The following FHL5 variants were observed in gnomAD, a reference collection of about 807,000 sequenced individuals.
FHL5 encodes the protein four and a half LIM domains 5, also known as four and a half LIM domains protein 5.
FHL5 carries 33 observed loss-of-function variants against 32.0 expected under a neutral mutation model. The ratio of observed to expected loss-of-function variants is 1.03; its 90% CI spans 0.78 to 1.38. The LOEUF is 1.38. FHL5 is among the 40% of genes most tolerant of loss of function. The pLI is 0.00. For synonymous variants in FHL5, 114 were observed against 113.6 expected (o/e 1.00, Z -0.02); for missense variants, 336 against 343.9 (o/e 0.98, Z 0.18).
At chr6:96,589,350 T>A (rs1394130119) in intron 1 of FHL5, among the ~76,000 whole-genome samples, 4 of 152,162 alleles carry the variant, frequency 2.6e-5, no homozygotes, top group African/African-American at 9.6e-5. Flanking sequence ...TGTATTTTTT[T>A]AACATTGTAT....
intron 1 of FHL5, among the ~76,000 whole-genome samples, chr6:96,566,466 A>C (rs1205295159): frequency 6.6e-6 from 1 of 152,032 alleles, no homozygotes; most frequent in African/African-American, 2.4e-5. Context: ...TAAACATGGG[A>C]ATACAGATAT....
chr6:96,592,189 C>A (rs9386653), intron 1 of FHL5, among the ~76,000 whole-genome samples: 21,909 of 151,990 alleles, frequency 0.14, 1,584 homozygotes, highest in East Asian at 0.25. Flanking sequence ...CTATGGGAGA[C>A]TGGGGCTTAT....
At chr6:96,601,885 A>T (rs1771155855) in intron 1 of FHL5, among the ~76,000 whole-genome samples, 3 of 152,168 alleles carry the variant, frequency 2.0e-5, no homozygotes, top group Admixed American at 1.3e-4. Context: ...GTGTGTTTGT[A>T]TTCACTAGGA....
chr6:96,571,088 T>A (rs1770466766), intron 1 of FHL5, among the ~76,000 whole-genome samples: 1 of 152,198 alleles, frequency 6.6e-6, no homozygotes, highest in Non-Finnish European at 1.5e-5. Flanking sequence ...GTCCCTGCAT[T>A]GATGTCTGTG....
chr6:96,581,327 C>A (rs1001774747), intron 1 of FHL5, among the ~76,000 whole-genome samples: 2 of 152,082 alleles, frequency 1.3e-5, no homozygotes, highest in Non-Finnish European at 2.9e-5. Context: ...TCATAGTAAC[C>A]AATTTACAAT....
intron 1 of FHL5, among the ~76,000 whole-genome samples, chr6:96,578,880 T>C (rs1035324617): frequency 6.6e-6 from 1 of 151,988 alleles, no homozygotes; most frequent in Non-Finnish European, 1.5e-5. Flanking sequence ...TAAAAATTGA[T>C]TTGGATTAGT....
intron 1 of FHL5, among the ~76,000 whole-genome samples, chr6:96,596,445 A>G (rs1281852331): frequency 6.6e-6 from 1 of 152,092 alleles, no homozygotes; most frequent in Non-Finnish European, 1.5e-5. Flanking sequence ...ATTCTTTTGA[A>G]GACATCATTT....
At chr6:96,578,858 A>G (rs563009338) in intron 1 of FHL5, among the ~76,000 whole-genome samples, 6 of 152,284 alleles carry the variant, frequency 3.9e-5, no homozygotes, top group Admixed American at 3.3e-4. Flanking sequence ...AAATAAATAA[A>G]TAAAAATAAA....
chr6:96,596,019 A>AT (rs906197003), intron 1 of FHL5, among the ~76,000 whole-genome samples: 12 of 150,280 alleles, frequency 8.0e-5, no homozygotes, highest in East Asian at 3.9e-4. Flanking sequence ...TATATGTATG[A>AT]TTTTTTTTAG....
intron 4 of FHL5, among the ~76,000 whole-genome samples, chr6:96,606,468 C>T (rs1171611549): frequency 1.3e-5 from 2 of 152,148 alleles, no homozygotes; most frequent in Non-Finnish European, 2.9e-5. Flanking sequence ...TCTCATGTCT[C>T]AGCCTTCCAA....
chr6:96,584,457 GTGTT>G (rs1463212129), intron 1 of FHL5, among the ~76,000 whole-genome samples: 1,813 of 144,858 alleles, frequency 0.013, 7 homozygotes, highest in African/African-American at 0.026. Context: ...GTGTGTGTGT[GTGTT>G]TGTGTGTGTG....
At chr6:96,604,243 T>C (rs1173809903) in intron 2 of FHL5, among the ~76,000 whole-genome samples, 4 of 145,724 alleles carry the variant, frequency 2.7e-5, no homozygotes. Context: ...GACATGCTTA[T>C]TCTTTCTTTC....
intron 1 of FHL5, among the ~76,000 whole-genome samples, chr6:96,597,073 C>T (rs1328722171): frequency 6.6e-6 from 1 of 152,038 alleles, no homozygotes; most frequent in Admixed American, 6.6e-5. Flanking sequence ...TCCTCATTTC[C>T]ACTTCATACT....
chr6:96,603,707 T>A lies in FHL5; in HGVS notation c.94T>A (p.Cys32Ser), dbSNP rs1265254102. The A allele has an allele frequency of 1.2e-6, 2 of 1,612,518 alleles. No individual in the cohort carries two copies. The highest frequency in any genetic ancestry group is 2.7e-5 in the African/African-American group (2 of 74,886). Residue 32 changes from cysteine (C) to serine (S), a missense_variant, in exon 2 of 6, where the codon TGT (cysteine) becomes AGT (serine). Coordinates refer to ENST00000450218, the MANE Select transcript of FHL5 (RefSeq NM_001322466.2). ...GGATGACAGTCCATACTGTGTTACATGTTATGATCGTGTATTTTCTAACTA... is the reference window on the plus strand; with the variant it reads ...GGATGACAGTCCATACTGTGTTACAAGTTATGATCGTGTATTTTCTAACTA... ...LKDDSPYCVT[C>S]YDRVFSNYCE...
chr6:96,581,665 G>T (rs554984804), intron 1 of FHL5, among the ~76,000 whole-genome samples: 1 of 152,156 alleles, frequency 6.6e-6, no homozygotes, highest in Non-Finnish European at 1.5e-5. Context: ...TGGTAGAAAC[G>T]GTGTTAAGTA....
At chr6:96,587,459 T>C (rs890834797) in intron 1 of FHL5, among the ~76,000 whole-genome samples, 15 of 152,322 alleles carry the variant, frequency 9.8e-5, no homozygotes, top group East Asian at 5.8e-4. Context: ...ATGGCTGATA[T>C]CATCACTTAC....
intron 2 of FHL5, 96 bp downstream of exon 2, chr6:96,603,868 T>A: frequency 2.2e-6 from 2 of 928,754 alleles, no homozygotes; most frequent in Non-Finnish European, 3.3e-6. Context: ...TTCAACACTA[T>A]TTCTCTGCTA....
rs1478575751 is a variant in FHL5 at position 96,617,766 on chromosome 6, C to T, written c.*1994C>T. On this transcript the variant is annotated 3_prime_UTR_variant, in exon 6 of 6. Coordinates refer to ENST00000450218, the MANE Select transcript of FHL5 (RefSeq NM_001322466.2). ...AGTTAAACAATTGGAAATGTTTAGG[C>T]ATTTTACTGTGTGGGGGCAGTGAGT... Among the ~76,000 whole-genome samples, 1 of 152,150 alleles carries T rather than the reference C, an allele frequency of 6.6e-6. No homozygotes were observed. Among genetic ancestry groups the T allele is most frequent in the Non-Finnish European group, 1.5e-5 (1 of 68,020 alleles).
At chr6:96,598,414 T>G (rs1365424836) in intron 1 of FHL5, among the ~76,000 whole-genome samples, 1 of 152,212 alleles carries the variant, frequency 6.6e-6, no homozygotes, top group Non-Finnish European at 1.5e-5. Context: ...TCCCTCCAAC[T>G]TGAAGAAGGA....
Sources: gnomAD v4.1 joint callset for allele counts (sites outside exome capture counted in the v4.1 genomes callset) on GRCh38, gnomAD v4.1.1 for gene constraint, MANE v1.5 for transcripts, NCBI Gene and HGNC (gene_info 2026-07-23, HGNC 2026-07-21) for gene names.